Variants in DMD observed in about 807,000 individuals in gnomAD.
DMD encodes mutant dystrophin.
A neutral mutation model predicts 330.1 loss-of-function variants in DMD; 63 were observed. The ratio of observed to expected loss-of-function variants is 0.19; its 90% CI spans 0.16 to 0.24. The LOEUF is 0.24. DMD is among the 10% of genes least tolerant of loss of function. The pLI is 1.00. For synonymous variants in DMD, 1,223 were observed against 959.8 expected, an observed-to-expected ratio of 1.27 and a Z score of -5.07; for missense variants, 3,344 against 2,684.1, an observed-to-expected ratio of 1.25 and a Z score of -5.43.
intron 61 of DMD, among the ~76,000 whole-genome samples, chrX:31,345,463 T>C (rs970832301): frequency 8.9e-6 from 1 of 111,960 alleles, no homozygotes; most frequent in African/African-American, 3.2e-5. Context: ...GAGTATATCA[T>C]TTTCTGAAAA....
chrX:31,721,497 T>C (rs2085471735), intron 52 of DMD, among the ~76,000 whole-genome samples: 1 of 108,675 alleles, frequency 9.2e-6, no homozygotes, highest in Non-Finnish European at 1.9e-5. Flanking sequence ...ACATCAACTC[T>C]TCCCTTGGTC....
chrX:32,144,951 T>C (rs1225756075), intron 44 of DMD, among the ~76,000 whole-genome samples: 1 of 111,359 alleles, frequency 9.0e-6, no homozygotes, highest in Non-Finnish European at 1.9e-5. Flanking sequence ...GGAGAATCGC[T>C]TGAACCTGGG....
intron 62 of DMD, among the ~76,000 whole-genome samples, chrX:31,292,272 A>C (rs1279549356): frequency 8.9e-6 from 1 of 111,900 alleles, no homozygotes; most frequent in South Asian, 3.7e-4. Context: ...AAAAAGAAGG[A>C]TGAATCAATA....
rs138972858 is a variant in DMD at position 32,223,549 on chromosome X, A to G, written c.6291-6486T>C. Among the ~76,000 whole-genome samples the G allele has an allele frequency of 6.9e-3, 770 of 111,947 alleles. 4 individuals are homozygous for G. Among genetic ancestry groups the G allele is most frequent in the African/African-American group, 0.023 (721 of 30,858 alleles). ...GGAATATGAACATATGCATTTCTGTAGAGTGTATATATAGAAGTGAAATTG... is the reference window on the plus strand; with the variant it reads ...GGAATATGAACATATGCATTTCTGTGGAGTGTATATATAGAAGTGAAATTG... On this transcript the variant is annotated intron_variant, in intron 43 of 78. Coordinates refer to ENST00000357033, the MANE Select transcript of DMD (RefSeq NM_004006.3).
intron 41 of DMD, among the ~76,000 whole-genome samples, chrX:32,313,587 A>G (rs2405691): frequency 1.8e-5 from 2 of 109,994 alleles, no homozygotes; most frequent in East Asian, 5.8e-4. Context: ...AAGATATTCA[A>G]ATAGGAAGAG....
chrX:32,676,575 T>C (rs1253360814), intron 9 of DMD, among the ~76,000 whole-genome samples: 1 of 111,216 alleles, frequency 9.0e-6, no homozygotes, highest in Non-Finnish European at 1.9e-5. Context: ...TGTTTGGAGA[T>C]TGTGTTAGCG....
At chrX:32,312,964 A>AAAAAT (rs1178622320) in intron 41 of DMD, among the ~76,000 whole-genome samples, 2 of 97,710 alleles carry the variant, frequency 2.0e-5, no homozygotes, top group Non-Finnish European at 4.2e-5. Context: ...AAAAAAAAAA[A>AAAAAT]GCCCAGGACC....
At position 31,342,335 on chromosome X, in the gene DMD, A is replaced by C. The variant is rs144477869; in HGVS notation, c.9163+6221T>G. ...AAATACCACATTAAGGCAAAGATTC[A>C]CTGTGATCCATGGCATAAAGTTTAG... On this transcript the variant is annotated intron_variant, in intron 61 of 78. Transcript: ENST00000357033. Among the ~76,000 whole-genome samples the C allele has an allele frequency of 3.4e-3, 377 of 112,083 alleles. 1 individual carries two copies. Among genetic ancestry groups the C allele is most frequent in the African/African-American group, 0.012 (358 of 30,882 alleles).
chrX:33,100,665 T>C (rs1249584059), intron 1 of DMD, among the ~76,000 whole-genome samples: 1 of 111,450 alleles, frequency 9.0e-6, no homozygotes, highest in East Asian at 2.8e-4. Flanking sequence ...CCCTCTAGCC[T>C]GGGTGACAAG....
chrX:32,572,420 T>C (rs5972597), intron 15 of DMD, among the ~76,000 whole-genome samples: 2,685 of 111,608 alleles, frequency 0.024, 79 homozygotes, highest in African/African-American at 0.081. Flanking sequence ...AATGAACATT[T>C]AATCAAATCT....
intron 43 of DMD, among the ~76,000 whole-genome samples, chrX:32,255,934 T>C (rs1255632305): frequency 2.7e-5 from 3 of 112,152 alleles, no homozygotes; most frequent in Non-Finnish European, 5.6e-5. Context: ...GGCTGAGTTG[T>C]ATAACTGTGA....
chrX:32,378,847 C>A (rs1030557834), intron 34 of DMD, among the ~76,000 whole-genome samples: 1 of 110,433 alleles, frequency 9.1e-6, no homozygotes, highest in Non-Finnish European at 1.9e-5. Flanking sequence ...GAATTAAGCT[C>A]TCCACCTACC....
rs191396755 is a variant in DMD at position 32,765,511 on chromosome X, C to A, written c.649+43982G>T. 4.5e-5 allele frequency among the ~76,000 whole-genome samples: 5 copies of A among 111,257 alleles called. No homozygotes were observed. In the Admixed American group the frequency reaches 4.8e-4, roughly 11 times the overall value. On this transcript the variant is annotated intron_variant, in intron 7 of 78. Transcript: ENST00000357033. ...CCTACAGAAATGTGAGCCAATTAAA[C>A]CTCTTTTCTTTATAATTTACCCAGT...
chrX:32,631,599 G>A (rs769540271), intron 11 of DMD, among the ~76,000 whole-genome samples: 6 of 111,728 alleles, frequency 5.4e-5, no homozygotes, highest in African/African-American at 1.6e-4. Flanking sequence ...GCTGGCATCT[G>A]CTCTGCTTCT....
At chrX:32,872,340 G>A (rs752011308) in intron 2 of DMD, among the ~76,000 whole-genome samples, 1 of 111,558 alleles carries the variant, frequency 9.0e-6, no homozygotes, top group Non-Finnish European at 1.9e-5. Flanking sequence ...CACCTACCTC[G>A]AACCATCCTA....
intron 47 of DMD, among the ~76,000 whole-genome samples, chrX:31,913,980 C>G (rs912375872): frequency 2.7e-5 from 3 of 112,343 alleles, no homozygotes; most frequent in African/African-American, 9.7e-5. Flanking sequence ...GTTTTATGCT[C>G]TCTTGCTTTC....
intron 4 of DMD, among the ~76,000 whole-genome samples, chrX:32,827,880 C>T (rs2078856330): frequency 9.0e-6 from 1 of 110,659 alleles, no homozygotes; most frequent in African/African-American, 3.3e-5. Context: ...AGGCTGGTCT[C>T]GAACTCCCGA....
At chrX:31,338,309 C>CAAAAAAAAAAAAAAAAA (rs752828727) in intron 61 of DMD, among the ~76,000 whole-genome samples, 2 of 53,396 alleles carry the variant, frequency 3.7e-5, no homozygotes, top group African/African-American at 1.5e-4. Context: ...AGTAAAAATA[C>CAAAAAAAAAAAAAAAAA]AAAAAAAAAA....
chrX:32,565,847 G>A lies in DMD; in HGVS notation c.1847C>T (p.Ser616Phe), dbSNP rs749663167. 2.1e-5 allele frequency: 25 copies of A among 1,211,275 alleles called. No homozygotes were observed. The highest frequency in any genetic ancestry group is 2.8e-5 in the Non-Finnish European group (25 of 895,189). Residue 616 changes from serine (S) to phenylalanine (F), a missense_variant, in exon 16 of 79, where the codon TCC (serine) becomes TTC (phenylalanine). By Grantham distance (155) the Ser-to-Phe change is radical. Transcript: ENST00000357033. ...TTTGAGTGAATACAGTTTGCCCATG[G>A]ATTGCTTTTTCTTTTCTAGATCCGC... ...LKADLEKKKQ[S>F]MGKLYSLKQD...
Sources: allele counts gnomAD v4.1 joint callset (sites outside exome capture counted in the v4.1 genomes callset), GRCh38; gene constraint gnomAD v4.1.1; transcripts MANE v1.5; gene names NCBI Gene and HGNC (gene_info 2026-07-23, HGNC 2026-07-21).